The following PTPRT variants were observed in gnomAD, a reference collection of about 807,000 sequenced individuals.
PTPRT encodes the protein protein tyrosine phosphatase receptor type T.
PTPRT carries 56 observed loss-of-function variants against 176.8 expected under a neutral mutation model. The ratio of observed to expected loss-of-function variants is 0.32; its 90% CI spans 0.26 to 0.40. The LOEUF is 0.40. Ranked by LOEUF, PTPRT falls within the 10% of genes least tolerant of loss-of-function variation. The pLI is 1.00. For missense variants in PTPRT, 1,540 were observed against 1,908.2 expected (o/e 0.81, Z 3.60); for synonymous variants, 783 against 739.0 (o/e 1.06, Z -0.96).
intron 11 of PTPRT, among the ~76,000 whole-genome samples, chr20:42,332,606 G>A (rs541557282): frequency 6.6e-6 from 1 of 152,020 alleles, no homozygotes; most frequent in Non-Finnish European, 1.5e-5. Flanking sequence ...AATGACTAAC[G>A]AACTGTGGTC....
At position 42,189,121 on chromosome 20, in the gene PTPRT, GCTT is replaced by G. The variant is rs1429744005; in HGVS notation, c.2491+10116_2491+10118del. Among the ~76,000 whole-genome samples, 250 of 152,266 alleles carry G rather than the reference GCTT, an allele frequency of 1.6e-3. 3 individuals carry two copies. Among genetic ancestry groups the G allele is most frequent in the Middle Eastern group, 6.8e-3 (2 of 294 alleles). ...CAAGGAGGCTCCAGCTACCATTCCAGCTTCGTCTCTGGCCATACATTCTTGACA... is the reference window on the plus strand; with the variant it reads ...CAAGGAGGCTCCAGCTACCATTCCAGCGTCTCTGGCCATACATTCTTGACA... On this transcript the variant is annotated intron_variant, in intron 16 of 30. Transcript: ENST00000373187.
At chr20:42,373,544 G>A (rs1381819557) in intron 9 of PTPRT, among the ~76,000 whole-genome samples, 1 of 152,164 alleles carries the variant, frequency 6.6e-6, no homozygotes, top group African/African-American at 2.4e-5. Context: ...AGCCTTTGAT[G>A]CTAGCAGTGG....
At chr20:42,810,071 T>C (rs1019837248) in intron 2 of PTPRT, among the ~76,000 whole-genome samples, 5 of 152,054 alleles carry the variant, frequency 3.3e-5, no homozygotes, top group African/African-American at 4.8e-5. Flanking sequence ...AGTGGGTGGA[T>C]TGCCTGAGCT....
intron 1 of PTPRT, among the ~76,000 whole-genome samples, chr20:43,016,514 C>T (rs1229122333): frequency 1.4e-5 from 2 of 148,052 alleles, no homozygotes; most frequent in Non-Finnish European, 3.0e-5. Context: ...CTGTCTCTGA[C>T]TCTCTGTCTG....
At chr20:42,464,453 C>T (rs1003055238) in intron 8 of PTPRT, among the ~76,000 whole-genome samples, 2 of 152,140 alleles carry the variant, frequency 1.3e-5, no homozygotes. Context: ...TCAGGGAATG[C>T]CCTTCAGGTA....
At chr20:43,159,842 C>T (rs1048545683) in intron 1 of PTPRT, among the ~76,000 whole-genome samples, 1 of 152,022 alleles carries the variant, frequency 6.6e-6, no homozygotes, top group African/African-American at 2.4e-5. Context: ...TTCGCCCCGA[C>T]CATGTCAAGG....
chr20:42,734,704 G>T (rs1482795050), intron 6 of PTPRT, among the ~76,000 whole-genome samples: 1 of 152,180 alleles, frequency 6.6e-6, no homozygotes, highest in African/African-American at 2.4e-5. Flanking sequence ...CTTGTTTCTT[G>T]TTCTCAGTTA....
chr20:43,037,150 T>C (rs564409967), intron 1 of PTPRT, among the ~76,000 whole-genome samples: 231 of 152,348 alleles, frequency 1.5e-3, no homozygotes, highest in African/African-American at 5.4e-3. Context: ...CAACAATGAA[T>C]TAAGCAAAAT....
chr20:42,122,812 C>A (rs1003895836), intron 19 of PTPRT, among the ~76,000 whole-genome samples: 1 of 152,172 alleles, frequency 6.6e-6, no homozygotes, highest in African/African-American at 2.4e-5. Flanking sequence ...AAATGCCTTA[C>A]CTTCGGACTA....
chr20:42,534,985 A>C lies in PTPRT; in HGVS notation c.1154-62423T>G, dbSNP rs187768055. 4.5e-3 allele frequency among the ~76,000 whole-genome samples: 689 copies of C among 152,328 alleles called. 10 individuals carry two copies. Among genetic ancestry groups the C allele is most frequent in the Admixed American group, 5.4e-3 (83 of 15,306 alleles). On this transcript the variant is annotated intron_variant, in intron 7 of 30. Coordinates refer to ENST00000373187, the MANE Select transcript of PTPRT (RefSeq NM_007050.6). ...AACCCACTGACTCTTCCCACTCGCC[A>C]CGGAAAGTGAGCCCTGCTGTTAATC...
chr20:42,946,022 A>G (rs897693761), intron 1 of PTPRT, among the ~76,000 whole-genome samples: 1 of 152,192 alleles, frequency 6.6e-6, no homozygotes, highest in African/African-American at 2.4e-5. Flanking sequence ...ACTTAGAATA[A>G]TGTTCTAGAG....
rs78084254 is a variant in PTPRT, at chr20:42,183,061, C to T, written c.2491+16179G>A. Among the ~76,000 whole-genome samples, 886 of 152,148 alleles carry T rather than the reference C, an allele frequency of 5.8e-3. 1 individual carries two copies. The highest frequency in any genetic ancestry group is 0.014 in the Middle Eastern group (4 of 294). ...CACTCCCACTCTCCAAAACTTTTAC[C>T]TCACTATCACCAAGATGATCTTTCT... On this transcript the variant is annotated intron_variant, in intron 16 of 30. Transcript: ENST00000373187.
chr20:42,752,810 T>A (rs1275994854), intron 6 of PTPRT, among the ~76,000 whole-genome samples: 2 of 152,190 alleles, frequency 1.3e-5, no homozygotes, highest in Non-Finnish European at 2.9e-5. Flanking sequence ...TCATTCTTCA[T>A]CACACAGTTT....
At chr20:42,248,254 C>T (rs1478201466) in intron 14 of PTPRT, among the ~76,000 whole-genome samples, 3 of 152,156 alleles carry the variant, frequency 2.0e-5, no homozygotes, top group Non-Finnish European at 4.4e-5. Flanking sequence ...ATTATTTGAC[C>T]AGTGGAAATC....
At chr20:42,502,166 GTTA>G (rs531673958) in intron 7 of PTPRT, among the ~76,000 whole-genome samples, 127 of 151,972 alleles carry the variant, frequency 8.4e-4, no homozygotes, top group African/African-American at 3.0e-3. Context: ...TTGACAAAAA[GTTA>G]TTATATTCAT....
intron 12 of PTPRT, among the ~76,000 whole-genome samples, chr20:42,294,911 C>T (rs1446874464): frequency 1.3e-5 from 2 of 151,844 alleles, no homozygotes; most frequent in Non-Finnish European, 2.9e-5. Flanking sequence ...TAAAGAAAGA[C>T]AGAAACCCAA....
At chr20:42,677,743 T>TAGGA in intron 7 of PTPRT, 123 bp downstream of exon 7, 1 of 1,143,726 alleles carries the variant, frequency 8.7e-7, no homozygotes, top group South Asian at 1.5e-5. Context: ...TTATCCACAA[T>TAGGA]AGGAAGCACA....
At chr20:42,421,586 T>C (rs2059119687) in intron 9 of PTPRT, among the ~76,000 whole-genome samples, 1 of 151,996 alleles carries the variant, frequency 6.6e-6, no homozygotes, top group Non-Finnish European at 1.5e-5. Context: ...CAGACAGTGC[T>C]CATGGATAAG....
Position 42,463,599 on chromosome 20 carries a change from T to C in PTPRT, c.1450+8667A>G, listed in dbSNP as rs62203552. ...GAAGTTTTCTCCTCTCCTCTCCCCTTTCCTCCCCTCCCCTCCTCTCCTCTC... is the reference window on the plus strand; with the variant it reads ...GAAGTTTTCTCCTCTCCTCTCCCCTCTCCTCCCCTCCCCTCCTCTCCTCTC... On this transcript the variant is annotated intron_variant, in intron 8 of 30. Coordinates refer to ENST00000373187, the MANE Select transcript of PTPRT (RefSeq NM_007050.6). Among the ~76,000 whole-genome samples the C allele has an allele frequency of 9.2e-3, 1,398 of 152,206 alleles. 11 individuals carry two copies. Among genetic ancestry groups the C allele is most frequent in the Middle Eastern group, 0.014 (4 of 294 alleles).
Sources: allele counts gnomAD v4.1 joint callset (sites outside exome capture counted in the v4.1 genomes callset), GRCh38; gene constraint gnomAD v4.1.1; transcripts MANE v1.5; gene names NCBI Gene and HGNC (gene_info 2026-07-23, HGNC 2026-07-21).